VAPB: variants seen among roughly 807,000 people sequenced by gnomAD.
VAPB encodes the protein VAMP associated protein B and C.
Under a neutral mutation model 25.6 loss-of-function variants are expected in VAPB, and 7 were observed. The observed-to-expected ratio is 0.27, with a 90% CI of 0.16 to 0.51. VAPB has a LOEUF of 0.51. Ranked by LOEUF, VAPB falls within the 20% of genes least tolerant of loss-of-function variation. VAPB has a pLI of 0.97. For missense variants in VAPB, 266 were observed against 301.3 expected, an observed-to-expected ratio of 0.88 and a Z score of 0.87; for synonymous variants, 112 against 109.2, an observed-to-expected ratio of 1.03 and a Z score of -0.16.
intron 2 of VAPB, among the ~76,000 whole-genome samples, chr20:58,420,904 C>T (rs927931309): frequency 4.6e-5 from 7 of 152,210 alleles, no homozygotes; most frequent in African/African-American, 1.7e-4. Flanking sequence ...ATAAAAAGCA[C>T]TGCCTTTTTC....
At chr20:58,418,549 CTGT>C (rs1185633689) in intron 2 of VAPB, among the ~76,000 whole-genome samples, 186 bp downstream of exon 2, 9 of 148,174 alleles carry the variant, frequency 6.1e-5, no homozygotes, top group African/African-American at 2.2e-4. Flanking sequence ...TCCCAGTCGC[CTGT>C]TTTTTTCATA....
intron 1 of VAPB, 128 bp from the exon 2 acceptor site, chr20:58,418,083 C>T: frequency 7.9e-7 from 1 of 1,259,830 alleles, no homozygotes; most frequent in South Asian, 1.2e-5. Context: ...CTCTTTCATC[C>T]ATTGGCATGT....
intron 1 of VAPB, among the ~76,000 whole-genome samples, chr20:58,391,766 C>T (rs1349426422): frequency 6.6e-6 from 1 of 152,212 alleles, no homozygotes; most frequent in Non-Finnish European, 1.5e-5. Context: ...CTCCGGACCT[C>T]AAGTGATCCG....
At chr20:58,394,216 G>T (rs1987891026) in intron 1 of VAPB, among the ~76,000 whole-genome samples, 1 of 152,194 alleles carries the variant, frequency 6.6e-6, no homozygotes, top group Non-Finnish European at 1.5e-5. Flanking sequence ...CACTCTAAAT[G>T]ATAGTTTAAG....
At chr20:58,402,097 G>T (rs1988108984) in intron 1 of VAPB, among the ~76,000 whole-genome samples, 1 of 152,138 alleles carries the variant, frequency 6.6e-6, no homozygotes, top group Non-Finnish European at 1.5e-5. Flanking sequence ...TCTCTTGCTT[G>T]CTTACAATCA....
At chr20:58,427,032 T>C (rs1447380440) in intron 2 of VAPB, among the ~76,000 whole-genome samples, 5 of 151,802 alleles carry the variant, frequency 3.3e-5, no homozygotes, top group Non-Finnish European at 5.9e-5. Context: ...CAGGCGAAAG[T>C]GACCTGTGAT....
intron 1 of VAPB, among the ~76,000 whole-genome samples, chr20:58,407,056 A>G (rs1988246771): frequency 6.6e-6 from 1 of 152,218 alleles, no homozygotes; most frequent in Admixed American, 6.5e-5. Flanking sequence ...GAACTGATGT[A>G]AAATTCATCT....
chr20:58,416,408 A>G (rs1231088070), intron 1 of VAPB, among the ~76,000 whole-genome samples: 1 of 69,338 alleles, frequency 1.4e-5, no homozygotes, highest in Non-Finnish European at 3.2e-5. Flanking sequence ...TCCTCACACC[A>G]CAACTTCATA....
chr20:58,418,023 G>C lies in VAPB; in HGVS notation c.59-188G>C, dbSNP rs182350021. On this transcript the variant is annotated intron_variant, in intron 1 of 5. Coordinates refer to ENST00000475243, the MANE Select transcript of VAPB (RefSeq NM_004738.5). ...CACTAGGTACCTGGTGAAATAGTGG[G>C]AACATGGTAAATATTAGACGTTACT... Among the ~76,000 whole-genome samples, 9 of 152,310 alleles carry C rather than the reference G, an allele frequency of 5.9e-5. No individual in the cohort carries two copies. The East Asian group carries it at 1.7e-3, about 29-fold the overall frequency.
chr20:58,427,852 A>C (rs1321993015), intron 2 of VAPB, among the ~76,000 whole-genome samples: 1 of 151,156 alleles, frequency 6.6e-6, no homozygotes, highest in Non-Finnish European at 1.5e-5. Context: ...GGTGAAAGTG[A>C]TCTGTGATCT....
chr20:58,435,495 C>T (rs1286667453), intron 3 of VAPB, among the ~76,000 whole-genome samples: 1 of 152,134 alleles, frequency 6.6e-6, no homozygotes, highest in Non-Finnish European at 1.5e-5. Context: ...CAGTTTTGGC[C>T]CGCCCAAAGG....
chr20:58,393,881 C>T (rs113854263), intron 1 of VAPB, among the ~76,000 whole-genome samples: 2,939 of 152,154 alleles, frequency 0.019, 45 homozygotes, highest in South Asian at 0.04. Context: ...TACAGGCATG[C>T]GCCACCATGC....
intron 5 of VAPB, among the ~76,000 whole-genome samples, chr20:58,441,408 A>G (rs1219237385): frequency 6.6e-6 from 1 of 152,162 alleles, no homozygotes; most frequent in East Asian, 1.9e-4. Flanking sequence ...TTGGGAGGCC[A>G]AGGCGGGCCG....
chr20:58,438,389 C>A (rs984420026), intron 3 of VAPB, among the ~76,000 whole-genome samples: 2 of 152,148 alleles, frequency 1.3e-5, no homozygotes, highest in Admixed American at 1.3e-4. Flanking sequence ...GTGATCCTCC[C>A]TCCTCAGCCT....
At position 58,448,458 on chromosome 20, in the gene VAPB, C is replaced by T. The variant is rs1247450003; in HGVS notation, c.*4223C>T. ...ATACATTCGCTCATTGAACTTAATC[C>T]TTGCAACTGTGACTGGGGGGTAGAT... On this transcript the variant is annotated 3_prime_UTR_variant, in exon 6 of 6. Transcript: ENST00000475243. 1 of 454,100 alleles carries T rather than the reference C, an allele frequency of 2.2e-6. No homozygotes were observed. Among genetic ancestry groups the T allele is most frequent in the Admixed American group, 2.3e-5 (1 of 42,574 alleles). The allele number at this position is 454,100 out of a possible 1,614,324, so 28.1% of individuals were successfully genotyped here.
At chr20:58,443,397 G>GTTT (rs1989202548) in intron 5 of VAPB, among the ~76,000 whole-genome samples, 1 of 89,690 alleles carries the variant, frequency 1.1e-5, no homozygotes, top group Non-Finnish European at 2.2e-5. Flanking sequence ...CCCACTTTTA[G>GTTT]GTTTTTTTTT....
At chr20:58,431,468 C>G (rs1292632645) in intron 2 of VAPB, 4 of 152,036 alleles carry the variant, frequency 2.6e-5, no homozygotes, top group Non-Finnish European at 4.4e-5. Context: ...GAGTCAAAGC[C>G]AGGTTTGAGC....
chr20:58,401,503 C>A (rs901204902), intron 1 of VAPB, among the ~76,000 whole-genome samples: 8 of 152,148 alleles, frequency 5.3e-5, no homozygotes, highest in African/African-American at 1.9e-4. Context: ...CCATTTGACC[C>A]CTGTTGTCAT....
chr20:58,435,883 G>A (rs1005869604), intron 3 of VAPB, among the ~76,000 whole-genome samples: 3 of 152,138 alleles, frequency 2.0e-5, no homozygotes, highest in African/African-American at 7.2e-5. Flanking sequence ...AAGATCCAAG[G>A]GTGTGTTCTG....
Sources: gnomAD v4.1 joint callset for allele counts (sites outside exome capture counted in the v4.1 genomes callset) on GRCh38, gnomAD v4.1.1 for gene constraint, MANE v1.5 for transcripts, NCBI Gene and HGNC (gene_info 2026-07-23, HGNC 2026-07-21) for gene names.